The following PIK3C2G variants were observed in gnomAD, a reference collection of about 807,000 sequenced individuals.
PIK3C2G encodes the protein phosphatidylinositol 3-kinase C2 domain-containing subunit gamma.
A neutral mutation model predicts 181.1 loss-of-function variants in PIK3C2G; 168 were observed. That is an observed-to-expected ratio of 0.93 (90% CI 0.82 to 1.05). The LOEUF is 1.05. PIK3C2G is among the 50% of genes least tolerant of loss of function. PIK3C2G has a pLI of 0.00. For missense variants in PIK3C2G, 1,869 were observed against 1,732.8 expected (o/e 1.08, Z -1.40); for synonymous variants, 573 against 592.2 (o/e 0.97, Z 0.47).
At chr12:18,409,758 T>G (rs1944750700) in intron 16 of PIK3C2G, among the ~76,000 whole-genome samples, 1 of 152,114 alleles carries the variant, frequency 6.6e-6, no homozygotes, top group Non-Finnish European at 1.5e-5. Context: ...CTCACATTGC[T>G]ATAAAGAAAT....
At chr12:18,625,844 C>G (rs1039853840) in intron 31 of PIK3C2G, among the ~76,000 whole-genome samples, 2 of 151,720 alleles carry the variant, frequency 1.3e-5, no homozygotes, top group African/African-American at 2.4e-5. Context: ...TACCCCTGCT[C>G]TTTTTTGGTT....
chr12:18,594,540 CA>C lies in PIK3C2G; in HGVS notation c.4059del (p.Val1354LeufsTer9). On this transcript the variant is annotated frameshift_variant, in exon 30 of 33. Coordinates refer to ENST00000538779, the MANE Select transcript of PIK3C2G (RefSeq NM_001288772.2). LOFTEE classifies it high-confidence loss of function. ...TTCCTCTCTGAGGCTGTGCAACAAA[CA>C]GTTGAAGAATCATCACCTGTGTACC... is the stretch of plus-strand genomic sequence containing the variant. Reference protein sequence around the residue: ...SFFLSEAVQQTVEESSPVYLG... With the variant: ...SFFLSEAVQQXVEESSPVYLG... 1.9e-6 allele frequency: 3 copies of C among 1,552,606 alleles called. No homozygotes were observed. In the South Asian group the frequency reaches 3.8e-5, roughly 20 times the overall value.
intron 24 of PIK3C2G, among the ~76,000 whole-genome samples, chr12:18,534,370 C>G (rs1183597414): frequency 6.6e-6 from 1 of 151,718 alleles, no homozygotes; most frequent in African/African-American, 2.4e-5. Context: ...CACTTCTCAC[C>G]CCTATTGGAA....
At chr12:18,559,199 T>C (rs1287437752) in intron 26 of PIK3C2G, among the ~76,000 whole-genome samples, 1 of 152,218 alleles carries the variant, frequency 6.6e-6, no homozygotes, top group Non-Finnish European at 1.5e-5. Context: ...GAATTATATA[T>C]GCTAAAATGC....
intron 15 of PIK3C2G, among the ~76,000 whole-genome samples, chr12:18,398,563 G>T (rs906899556): frequency 1.3e-5 from 2 of 152,132 alleles, no homozygotes; most frequent in African/African-American, 4.8e-5. Context: ...AGGAGAGTGC[G>T]CAAAAGCCAT....
chr12:18,659,041 C>T, the PIK3C2G span, among the ~76,000 whole-genome samples: 1 of 151,974 alleles, frequency 6.6e-6, no homozygotes, highest in Middle Eastern at 3.4e-3. Flanking sequence ...ATTGGAGAGG[C>T]AAGAGTTGCT....
At chr12:18,696,111 G>T in the PIK3C2G span, 3 of 1,071,200 alleles carry the variant, frequency 2.8e-6, no homozygotes, top group Non-Finnish European at 2.8e-6. Flanking sequence ...TTCATTTTAT[G>T]TTACTTCTGC....
intron 8 of PIK3C2G, among the ~76,000 whole-genome samples, chr12:18,326,691 T>C (rs895527731): frequency 3.9e-5 from 6 of 152,164 alleles, no homozygotes; most frequent in East Asian, 1.9e-4. Flanking sequence ...GTTTTAAGTC[T>C]CATAAAAGTG....
the PIK3C2G span, among the ~76,000 whole-genome samples, chr12:18,664,594 G>A: frequency 6.6e-6 from 1 of 152,124 alleles, no homozygotes; most frequent in African/African-American, 2.4e-5. Flanking sequence ...GAGTAGAATA[G>A]TGGTTGCCAG....
chr12:18,362,941 T>C (rs563011430), intron 12 of PIK3C2G, 55 bp downstream of exon 12: 93 of 1,346,062 alleles, frequency 6.9e-5, no homozygotes, highest in South Asian at 5.5e-4. Context: ...GTCAGCTTTT[T>C]CCCCCTTTTT....
chr12:18,485,870 T>G (rs1009050066), intron 18 of PIK3C2G, among the ~76,000 whole-genome samples: 1 of 152,108 alleles, frequency 6.6e-6, no homozygotes. Context: ...TAAAAGAGAG[T>G]GGCCAGCTAT....
chr12:18,506,517 A>G (rs1290156863), intron 24 of PIK3C2G, among the ~76,000 whole-genome samples: 2 of 152,204 alleles, frequency 1.3e-5, no homozygotes, highest in Non-Finnish European at 2.9e-5. Context: ...ACAGAGCCAC[A>G]GGATCTGCTA....
At chr12:18,376,592 A>T (rs1237865349) in intron 13 of PIK3C2G, among the ~76,000 whole-genome samples, 1 of 152,148 alleles carries the variant, frequency 6.6e-6, no homozygotes, top group Non-Finnish European at 1.5e-5. Flanking sequence ...GCAGTGTGAG[A>T]AGGACATGAG....
intron 30 of PIK3C2G, among the ~76,000 whole-genome samples, chr12:18,595,021 T>C (rs558050977): frequency 2.6e-5 from 4 of 152,224 alleles, no homozygotes; most frequent in Non-Finnish European, 5.9e-5. Context: ...ATTCAAGATT[T>C]GTTTCAACAG....
chr12:18,674,137 G>T, the PIK3C2G span, among the ~76,000 whole-genome samples: 2 of 152,096 alleles, frequency 1.3e-5, no homozygotes, highest in Non-Finnish European at 2.9e-5. Flanking sequence ...AGAGGGAAAA[G>T]CATATAGAAA....
chr12:18,546,866 A>C (rs548401101), intron 26 of PIK3C2G, among the ~76,000 whole-genome samples: 1 of 152,124 alleles, frequency 6.6e-6, no homozygotes, highest in African/African-American at 2.4e-5. Context: ...CTTTTAATCT[A>C]TTTTTTATTA....
At chr12:18,291,098 A>G in intron 4 of PIK3C2G, 86 bp downstream of exon 4, 1 of 726,952 alleles carries the variant, frequency 1.4e-6, no homozygotes, top group Non-Finnish European at 2.2e-6. Context: ...GAAGTTATTA[A>G]AAAATAATAT....
chr12:18,473,033 A>C (rs987928964), intron 18 of PIK3C2G, among the ~76,000 whole-genome samples: 1 of 152,012 alleles, frequency 6.6e-6, no homozygotes, highest in Non-Finnish European at 1.5e-5. Context: ...TGTTTCTCCA[A>C]ATCACAAGGT....
Position 18,354,927 on chromosome 12 carries a change from T to G in PIK3C2G, c.1626-7837T>G, listed in dbSNP as rs890043900. ...TCAAGTCCTGGTGACCTTACACAGA[T>G]GCCACCCACAGGTGCCATTGCAGCC... is the stretch of plus-strand genomic sequence containing the variant. On this transcript the variant is annotated intron_variant, in intron 11 of 32. Coordinates refer to ENST00000538779, the MANE Select transcript of PIK3C2G (RefSeq NM_001288772.2). Among the ~76,000 whole-genome samples, 20 of 152,272 alleles carry G rather than the reference T, an allele frequency of 1.3e-4. 1 individual carries two copies. The highest frequency in any genetic ancestry group is 4.6e-4 in the African/African-American group (19 of 41,564).
Sources: allele counts gnomAD v4.1 joint callset (sites outside exome capture counted in the v4.1 genomes callset), GRCh38; gene constraint gnomAD v4.1.1; transcripts MANE v1.5; gene names NCBI Gene and HGNC (gene_info 2026-07-23, HGNC 2026-07-21).